AUTS2: variants seen among roughly 807,000 people sequenced by gnomAD.
AUTS2 encodes the protein autism susceptibility gene 2 protein.
Under a neutral mutation model 112.4 loss-of-function variants are expected in AUTS2, and 17 were observed. That is an observed-to-expected ratio of 0.15 (90% confidence interval 0.10 to 0.23). AUTS2 has a LOEUF of 0.23. Among genes scored for constraint, AUTS2 ranks in the 10% least tolerant of loss-of-function variants. The pLI is 1.00. For missense variants in AUTS2, 1,510 were observed against 1,701.6 expected, an observed-to-expected ratio of 0.89 and a Z score of 1.98; for synonymous variants, 751 against 702.7, an observed-to-expected ratio of 1.07 and a Z score of -1.09.
chr7:70,682,940 CTG>C (rs1391365577), intron 5 of AUTS2, among the ~76,000 whole-genome samples: 1 of 152,224 alleles, frequency 6.6e-6, no homozygotes, highest in Non-Finnish European at 1.5e-5. Flanking sequence ...TATATGGTAA[CTG>C]TGTTACAAGC....
intron 2 of AUTS2, among the ~76,000 whole-genome samples, chr7:69,980,559 AT>A (rs1798253746): frequency 6.6e-6 from 1 of 152,064 alleles, no homozygotes; most frequent in Non-Finnish European, 1.5e-5. Context: ...TCCATACTAC[AT>A]TTATGAACTG....
At chr7:69,663,640 C>A (rs1305882907) in intron 1 of AUTS2, among the ~76,000 whole-genome samples, 1 of 152,146 alleles carries the variant, frequency 6.6e-6, no homozygotes, top group Non-Finnish European at 1.5e-5. Flanking sequence ...GCTTGATAAA[C>A]TATAAAGCCT....
intron 6 of AUTS2, among the ~76,000 whole-genome samples, chr7:70,760,537 A>G (rs1332257366): frequency 6.6e-6 from 1 of 152,234 alleles, no homozygotes; most frequent in Non-Finnish European, 1.5e-5. Flanking sequence ...TGCCTTTGAT[A>G]ATAGCTTGCT....
At chr7:70,477,582 A>G (rs553896484) in intron 5 of AUTS2, among the ~76,000 whole-genome samples, 23 of 152,284 alleles carry the variant, frequency 1.5e-4, no homozygotes, top group African/African-American at 5.5e-4. Flanking sequence ...CTGCCCTCCC[A>G]TTACTCTGCT....
In AUTS2 at chr7:70,730,159, G is replaced by A. The variant is rs550771011; in HGVS notation, c.742+31539G>A. ...GGCCTCCCAAAGTGCTGGGATTACA[G>A]GTGTGAGCCACTGCACCCAGCCTGT... On this transcript the variant is annotated intron_variant, in intron 6 of 18. Coordinates refer to ENST00000342771, the MANE Select transcript of AUTS2 (RefSeq NM_015570.4). Among the ~76,000 whole-genome samples, 20 of 152,110 alleles carry A rather than the reference G, an allele frequency of 1.3e-4. 1 individual carries two copies. The South Asian group carries it at 3.7e-3, about 28-fold the overall frequency.
At position 70,318,051 on chromosome 7, in the gene AUTS2, C is replaced by T. The variant is rs181056501; in HGVS notation, c.661-117701C>T. On this transcript the variant is annotated intron_variant, in intron 4 of 18. Coordinates refer to ENST00000342771, the MANE Select transcript of AUTS2 (RefSeq NM_015570.4). ...GTTGGATCATGGCTCTTATTCACTG[C>T]GGCGTTTTTAAAGCTTTTTCAAGGA... Among the ~76,000 whole-genome samples, 213 of 152,190 alleles carry T rather than the reference C, an allele frequency of 1.4e-3. 2 individuals carry two copies. Among genetic ancestry groups the T allele is most frequent in the East Asian group, 6.8e-3 (35 of 5,180 alleles).
chr7:70,190,923 A>G (rs370346014), intron 4 of AUTS2, among the ~76,000 whole-genome samples: 12 of 152,138 alleles, frequency 7.9e-5, no homozygotes, highest in African/African-American at 2.9e-4. Flanking sequence ...TTTCTGTTAA[A>G]ATAATGTAAA....
At chr7:70,519,016 C>G (rs973773973) in intron 5 of AUTS2, among the ~76,000 whole-genome samples, 2 of 152,088 alleles carry the variant, frequency 1.3e-5, no homozygotes, top group Non-Finnish European at 2.9e-5. Flanking sequence ...TAATATGTAC[C>G]TCTTTTCACC....
At chr7:69,818,475 T>C (rs1436422077) in intron 1 of AUTS2, among the ~76,000 whole-genome samples, 1 of 152,226 alleles carries the variant, frequency 6.6e-6, no homozygotes, top group Non-Finnish European at 1.5e-5. Context: ...AATCCAACTT[T>C]AGGACTGTGG....
intron 17 of AUTS2, among the ~76,000 whole-genome samples, chr7:70,786,415 G>A (rs1048367690): frequency 3.3e-5 from 5 of 152,256 alleles, no homozygotes; most frequent in East Asian, 3.9e-4. Context: ...CGTGGCATTC[G>A]TGGAATTGAA....
intron 1 of AUTS2, among the ~76,000 whole-genome samples, chr7:69,622,751 G>A (rs1793737166): frequency 6.6e-6 from 1 of 152,222 alleles, no homozygotes; most frequent in African/African-American, 2.4e-5. Context: ...GGAAGATATT[G>A]TAATTGTGAG....
chr7:69,806,110 A>G (rs763709653), intron 1 of AUTS2, among the ~76,000 whole-genome samples: 23 of 134,788 alleles, frequency 1.7e-4, no homozygotes, highest in Non-Finnish European at 2.6e-4. Flanking sequence ...TGGTCTTGCT[A>G]TGTTGCCCAG....
intron 5 of AUTS2, among the ~76,000 whole-genome samples, chr7:70,556,872 G>A (rs1448861539): frequency 6.6e-6 from 1 of 152,124 alleles, no homozygotes; most frequent in Non-Finnish European, 1.5e-5. Context: ...CACACACTGT[G>A]TTCCTTCATA....
intron 5 of AUTS2, among the ~76,000 whole-genome samples, chr7:70,466,273 T>G (rs186680546): frequency 2.2e-4 from 33 of 152,310 alleles, no homozygotes; most frequent in African/African-American, 7.9e-4. Flanking sequence ...ACATTTTTGG[T>G]ACCTAATGAT....
intron 4 of AUTS2, among the ~76,000 whole-genome samples, chr7:70,224,236 G>A (rs1015830292): frequency 1.3e-5 from 2 of 152,018 alleles, no homozygotes; most frequent in Admixed American, 6.6e-5. Flanking sequence ...GATCACTTGA[G>A]CTCAGGAAGT....
At chr7:70,303,429 C>T (rs888395159) in intron 4 of AUTS2, among the ~76,000 whole-genome samples, 16 of 136,202 alleles carry the variant, frequency 1.2e-4, no homozygotes, top group South Asian at 4.8e-4. Context: ...CACACGCGCG[C>T]GCGCGCACAT....
Position 70,434,667 on chromosome 7 carries a change from G to A in AUTS2, c.661-1085G>A, listed in dbSNP as rs77533047. Reference sequence around the variant, plus strand: ...TTTCCCCACTGTGCACTCTCTCCACGTTCCCACAGAAAGTCATCCTCATGG... The same window carrying A: ...TTTCCCCACTGTGCACTCTCTCCACATTCCCACAGAAAGTCATCCTCATGG... On this transcript the variant is annotated intron_variant, in intron 4 of 18. Coordinates refer to ENST00000342771, the MANE Select transcript of AUTS2 (RefSeq NM_015570.4). Among the ~76,000 whole-genome samples the A allele has an allele frequency of 9.1e-3, 1,392 of 152,188 alleles. 26 individuals are homozygous for A. Among genetic ancestry groups the A allele is most frequent in the African/African-American group, 0.032 (1,319 of 41,516 alleles).
rs540817843 is a variant in AUTS2, at chr7:70,536,331, A to G, written c.690+100550A>G. Among the ~76,000 whole-genome samples, 335 of 152,284 alleles carry G rather than the reference A, an allele frequency of 2.2e-3. 1 individual carries two copies. The highest frequency in any genetic ancestry group is 6.8e-3 in the Middle Eastern group (2 of 294). ...AAGTAATTAAGAGTCAAAGGGCATCATTACATAGAGACACAAAATGAAAGT... is the reference window on the plus strand; with the variant it reads ...AAGTAATTAAGAGTCAAAGGGCATCGTTACATAGAGACACAAAATGAAAGT... On this transcript the variant is annotated intron_variant, in intron 5 of 18. Transcript: ENST00000342771.
At chr7:70,112,725 T>C (rs980244379) in intron 2 of AUTS2, among the ~76,000 whole-genome samples, 2 of 151,968 alleles carry the variant, frequency 1.3e-5, no homozygotes, top group African/African-American at 2.4e-5. Flanking sequence ...CCCTCTCTCT[T>C]TTTTTAAATT....
Sources: allele counts gnomAD v4.1 joint callset (sites outside exome capture counted in the v4.1 genomes callset), GRCh38; gene constraint gnomAD v4.1.1; transcripts MANE v1.5; gene names NCBI Gene and HGNC (gene_info 2026-07-23, HGNC 2026-07-21).